The following PDS5A variants were observed in gnomAD, a reference collection of about 807,000 sequenced individuals.
PDS5A encodes PDS5 cohesin associated factor A, also known as sister chromatid cohesion protein PDS5 homolog A.
PDS5A carries 42 observed loss-of-function variants against 167.1 expected under a neutral mutation model. That is an observed-to-expected ratio of 0.25 (90% CI 0.20 to 0.33). The LOEUF (loss-of-function observed/expected upper bound fraction) is 0.33. Ranked by LOEUF, PDS5A falls within the 10% of genes least tolerant of loss-of-function variation. PDS5A has a pLI of 1.00. For synonymous variants in PDS5A, 553 were observed against 554.6 expected (o/e 1.00, Z 0.04); for missense variants, 1,033 against 1,605.9 (o/e 0.64, Z 6.10).
chr4:39,863,125 C>G, intron 24 of PDS5A, 52 bp from the exon 25 acceptor site: 1 of 1,384,500 alleles, frequency 7.2e-7, no homozygotes. Context: ...AAATAAAAAA[C>G]AGCAGTTTAA....
intron 17 of PDS5A, among the ~76,000 whole-genome samples, chr4:39,881,542 ATTAAC>A (rs939825749): frequency 3.7e-4 from 56 of 152,298 alleles, no homozygotes; most frequent in African/African-American, 1.0e-3. Flanking sequence ...GTGTATAAAC[ATTAAC>A]TTAAAGTATA....
At chr4:39,936,947 T>C (rs932382954) in intron 2 of PDS5A, 2 of 152,116 alleles carry the variant, frequency 1.3e-5, no homozygotes, top group Non-Finnish European at 2.9e-5. Context: ...TCAGCCAAAG[T>C]CTTGGGGGTG....
At chr4:39,937,745 C>T (rs545066459) in intron 2 of PDS5A, among the ~76,000 whole-genome samples, 8 of 152,290 alleles carry the variant, frequency 5.3e-5, no homozygotes, top group African/African-American at 1.9e-4. Context: ...CAAATGAGAA[C>T]TCTCACTCAC....
intron 2 of PDS5A, among the ~76,000 whole-genome samples, chr4:39,967,097 G>A (rs1730044853): frequency 6.6e-6 from 1 of 151,982 alleles, no homozygotes; most frequent in Admixed American, 6.6e-5. Context: ...TTGAGGTCAG[G>A]AGCTCGAGAC....
intron 7 of PDS5A, among the ~76,000 whole-genome samples, chr4:39,918,443 A>C (rs1578740511): frequency 6.6e-6 from 1 of 152,188 alleles, no homozygotes; most frequent in Admixed American, 6.6e-5. Flanking sequence ...CACCACCGTC[A>C]CACATGCAGA....
intron 29 of PDS5A, among the ~76,000 whole-genome samples, chr4:39,845,429 A>T (rs1443552568): frequency 6.6e-6 from 1 of 152,236 alleles, no homozygotes; most frequent in Admixed American, 6.5e-5. Context: ...GGAACTATTT[A>T]CAAAAAACTA....
chr4:39,939,328 A>G (rs1726997341), intron 2 of PDS5A, among the ~76,000 whole-genome samples: 1 of 152,156 alleles, frequency 6.6e-6, no homozygotes, highest in Non-Finnish European at 1.5e-5. Context: ...TTAGCTGTGC[A>G]TGGAGACATG....
At chr4:39,949,139 C>CA (rs77603241) in intron 2 of PDS5A, among the ~76,000 whole-genome samples, 19,301 of 140,578 alleles carry the variant, frequency 0.14, 1,371 homozygotes, top group African/African-American at 0.22. Context: ...CAAAAAACAC[C>CA]AAAAAAAAAA....
chr4:39,851,445 T>C (rs1424914866), intron 26 of PDS5A, among the ~76,000 whole-genome samples: 1 of 152,124 alleles, frequency 6.6e-6, no homozygotes, highest in Admixed American at 6.5e-5. Flanking sequence ...GCTACAGGCA[T>C]GTGCCACCAT....
intron 30 of PDS5A, among the ~76,000 whole-genome samples, chr4:39,843,475 T>C (rs998506390): frequency 6.6e-6 from 1 of 152,222 alleles, no homozygotes; most frequent in African/African-American, 2.4e-5. Context: ...GGTTCATGAC[T>C]GTAATCCCAG....
chr4:39,862,452 C>T (rs1463728263), intron 25 of PDS5A, 119 bp from the exon 26 acceptor site: 1 of 526,270 alleles, frequency 1.9e-6, no homozygotes, highest in East Asian at 3.0e-5. Flanking sequence ...AACATGATAC[C>T]TGGATACTAA....
At chr4:39,833,547 C>T (rs1214146907) in intron 32 of PDS5A, among the ~76,000 whole-genome samples, 4 of 152,080 alleles carry the variant, frequency 2.6e-5, no homozygotes, top group Non-Finnish European at 5.9e-5. Context: ...TACCAGACAC[C>T]TGGCTAATTT....
Position 39,970,310 on chromosome 4 carries a change from T to C in PDS5A, c.138+6130A>G, listed in dbSNP as rs142630007. ...TGTGGCCTGACATAACAAAAATAGG[T>C]AAAGTAATGCCCTGGAAACAGGAAT... is the stretch of plus-strand genomic sequence containing the variant. On this transcript the variant is annotated intron_variant, in intron 2 of 32. Coordinates refer to ENST00000303538, the MANE Select transcript of PDS5A (RefSeq NM_001100399.2). 1.2e-4 allele frequency among the ~76,000 whole-genome samples: 18 copies of C among 151,878 alleles called. 1 individual carries two copies. Among genetic ancestry groups the C allele is most frequent in the African/African-American group, 4.4e-4 (18 of 41,270 alleles).
At chr4:39,878,497 T>C (rs1023000302) in intron 18 of PDS5A, among the ~76,000 whole-genome samples, 5 of 151,760 alleles carry the variant, frequency 3.3e-5, no homozygotes, top group African/African-American at 1.2e-4. Context: ...CTTGGGAGGC[T>C]GAGGCAGGAG....
chr4:39,868,722 T>C lies in PDS5A; in HGVS notation c.2505+672A>G, dbSNP rs192190676. 9 of 453,554 alleles carry C rather than the reference T, an allele frequency of 2.0e-5. No homozygotes were observed. The East Asian group carries it at 6.3e-4, about 32-fold the overall frequency. 28.1% of individuals were successfully genotyped at this position (453,554 alleles called of 1,614,324 possible). On this transcript the variant is annotated intron_variant, in intron 22 of 32. Transcript: ENST00000303538. ...TTGGGCTCAAGCGATCCTCCTGCTCTGCCTCCCAAAGTGCTGGGATAATAG... is the reference window on the plus strand; with the variant it reads ...TTGGGCTCAAGCGATCCTCCTGCTCCGCCTCCCAAAGTGCTGGGATAATAG...
intron 2 of PDS5A, among the ~76,000 whole-genome samples, chr4:39,967,175 C>T (rs1028053837): frequency 6.7e-6 from 1 of 150,012 alleles, no homozygotes; most frequent in Non-Finnish European, 1.5e-5. Flanking sequence ...TGTGGTGGCA[C>T]GCACCTGTAA....
At chr4:39,960,368 G>T (rs963160112) in intron 2 of PDS5A, among the ~76,000 whole-genome samples, 5 of 152,180 alleles carry the variant, frequency 3.3e-5, no homozygotes, top group Non-Finnish European at 5.9e-5. Flanking sequence ...AATGATATGT[G>T]TATAAGTTCC....
At chr4:39,904,363 G>A (rs1723133518) in intron 11 of PDS5A, among the ~76,000 whole-genome samples, 172 bp from the exon 12 acceptor site, 1 of 151,960 alleles carries the variant, frequency 6.6e-6, no homozygotes, top group African/African-American at 2.4e-5. Context: ...TTTTGAGACG[G>A]AGTCTCACTC....
rs1291583966 is a variant in PDS5A at position 39,824,573 on chromosome 4, A to AT, written c.*911dup. Reference sequence around the variant, plus strand: ...CCTTAAAAGCTGCCAAAGTCCAACTATTTTTTAAAAATTGATTTTTTTTAC... The same window carrying AT: ...CCTTAAAAGCTGCCAAAGTCCAACTATTTTTTTAAAAATTGATTTTTTTTAC... On this transcript the variant is annotated 3_prime_UTR_variant, in exon 33 of 33. Transcript: ENST00000303538. 2 of 152,598 alleles carry AT rather than the reference A, an allele frequency of 1.3e-5. No homozygotes were observed. The highest frequency in any genetic ancestry group is 4.8e-5 in the African/African-American group (2 of 41,452). The allele number at this position is 152,598 out of a possible 1,614,324, so 9.5% of individuals were successfully genotyped here.
Sources: allele counts gnomAD v4.1 joint callset (sites outside exome capture counted in the v4.1 genomes callset), GRCh38; gene constraint gnomAD v4.1.1; transcripts MANE v1.5; gene names NCBI Gene and HGNC (gene_info 2026-07-23, HGNC 2026-07-21).